DSCAM: variants seen among roughly 807,000 people sequenced by gnomAD.
The protein encoded by DSCAM is cell adhesion molecule DSCAM.
Under a neutral mutation model 217.7 loss-of-function variants are expected in DSCAM, and 47 were observed. That is an observed-to-expected ratio of 0.22 (90% CI 0.17 to 0.28). DSCAM has a LOEUF of 0.28. Ranked by LOEUF, DSCAM falls within the 10% of genes least tolerant of loss-of-function variation. The probability of loss-of-function intolerance (pLI) is 1.00; values close to 1 mark genes in which losing one functional copy is unlikely to be tolerated. For synonymous variants in DSCAM, 1,056 were observed against 1,015.3 expected (o/e 1.04, Z -0.76); for missense variants, 2,080 against 2,618.3 (o/e 0.79, Z 4.49).
intron 9 of DSCAM, among the ~76,000 whole-genome samples, chr21:40,301,772 T>G (rs1225648450): frequency 1.3e-5 from 2 of 152,216 alleles, no homozygotes; most frequent in Non-Finnish European, 2.9e-5. Context: ...GACACATGAA[T>G]CAATGAATGT....
At chr21:40,308,136 T>C (rs2074100020) in intron 9 of DSCAM, among the ~76,000 whole-genome samples, 1 of 152,178 alleles carries the variant, frequency 6.6e-6, no homozygotes, top group Non-Finnish European at 1.5e-5. Context: ...AAAAGTGTGA[T>C]AAAATCAGGT....
At chr21:40,406,951 A>G (rs1008658752) in intron 3 of DSCAM, among the ~76,000 whole-genome samples, 9 of 152,078 alleles carry the variant, frequency 5.9e-5, no homozygotes, top group Non-Finnish European at 1.2e-4. Flanking sequence ...TGAACTCATA[A>G]AAGCAGAGAG....
At chr21:40,546,877 G>T (rs1298561597) in intron 3 of DSCAM, among the ~76,000 whole-genome samples, 2 of 152,086 alleles carry the variant, frequency 1.3e-5, no homozygotes, top group African/African-American at 2.4e-5. Context: ...TTCAGGAGAG[G>T]CCTAGTGAGA....
chr21:40,195,194 T>A (rs1042789007), intron 11 of DSCAM, among the ~76,000 whole-genome samples: 1 of 152,184 alleles, frequency 6.6e-6, no homozygotes, highest in African/African-American at 2.4e-5. Context: ...ACAGAGAGAA[T>A]GAAAAATTCT....
At chr21:40,786,427 T>A (rs2091595198) in intron 1 of DSCAM, among the ~76,000 whole-genome samples, 1 of 152,054 alleles carries the variant, frequency 6.6e-6, no homozygotes, top group Non-Finnish European at 1.5e-5. Context: ...TATAATGAGG[T>A]CCACGAACCA....
At position 40,708,623 on chromosome 21, in the gene DSCAM, C is replaced by T; in HGVS notation, c.192G>A (p.Glu64=). The change falls in exon 2 of 33, where the codon GAG becomes GAA. Residue 64 remains glutamate (E), a synonymous_variant. Transcript: ENST00000400454. ...VTLRWYLATG[E]EIYDVPGIRH... is the part of the protein sequence containing the mutation. ...GGATCCCGGGGACATCGTAGATCTC[C>T]TCGCCCGTGGCTAGGTACCATCTGA... The T allele has an allele frequency of 6.2e-7, 1 of 1,612,838 alleles. No homozygotes were observed. The highest frequency in any genetic ancestry group is 1.7e-5 in the Admixed American group (1 of 59,814).
intron 15 of DSCAM, 43 bp from the exon 16 acceptor site, chr21:40,167,331 C>T (rs372128044): frequency 4.9e-5 from 78 of 1,584,596 alleles, no homozygotes; most frequent in Middle Eastern, 1.7e-4. Context: ...AGACGCTTTC[C>T]GGAGCAGATC....
chr21:40,673,748 CCTCA>C (rs2090304792), intron 3 of DSCAM, among the ~76,000 whole-genome samples: 1 of 152,182 alleles, frequency 6.6e-6, no homozygotes, highest in Admixed American at 6.5e-5. Flanking sequence ...GCAGCTCCTC[CCTCA>C]CTCTCTCTTG....
intron 3 of DSCAM, among the ~76,000 whole-genome samples, chr21:40,683,771 T>A (rs1273855566): frequency 6.6e-6 from 1 of 152,120 alleles, no homozygotes; most frequent in African/African-American, 2.4e-5. Flanking sequence ...TCTCAGCCCC[T>A]GCAGAGTGAA....
intron 3 of DSCAM, among the ~76,000 whole-genome samples, chr21:40,549,740 T>A (rs1364838729): frequency 1.3e-5 from 2 of 152,182 alleles, no homozygotes; most frequent in African/African-American, 2.4e-5. Context: ...TCTGTTATAT[T>A]GACGTTTGGA....
intron 1 of DSCAM, among the ~76,000 whole-genome samples, chr21:40,785,036 A>G (rs575225937): frequency 6.6e-6 from 1 of 152,384 alleles, no homozygotes; most frequent in South Asian, 2.1e-4. Flanking sequence ...GCACAGAAAG[A>G]TAACTTCCAA....
chr21:40,292,742 T>C (rs998022385), intron 10 of DSCAM, among the ~76,000 whole-genome samples: 1 of 152,036 alleles, frequency 6.6e-6, no homozygotes, highest in African/African-American at 2.4e-5. Context: ...TATGATATCT[T>C]TCTTTTCCTT....
At chr21:40,195,066 G>A (rs2090992896) in intron 11 of DSCAM, among the ~76,000 whole-genome samples, 1 of 152,118 alleles carries the variant, frequency 6.6e-6, no homozygotes, top group African/African-American at 2.4e-5. Context: ...CTTTATCAAT[G>A]AAAGTAAACC....
chr21:40,406,819 G>A (rs1042763962), intron 3 of DSCAM, among the ~76,000 whole-genome samples: 13 of 152,040 alleles, frequency 8.6e-5, no homozygotes, highest in South Asian at 2.1e-4. Flanking sequence ...GGGTTTCACC[G>A]TGTTGGCCAG....
chr21:40,369,000 C>G, intron 4 of DSCAM, 99 bp downstream of exon 4: 1 of 1,330,006 alleles, frequency 7.5e-7, no homozygotes, highest in Non-Finnish European at 9.9e-7. Flanking sequence ...ATTGAAGGCT[C>G]CATTTTAGTG....
chr21:40,619,711 G>T (rs184548817), intron 3 of DSCAM, among the ~76,000 whole-genome samples: 1 of 151,966 alleles, frequency 6.6e-6, no homozygotes, highest in Non-Finnish European at 1.5e-5. Flanking sequence ...TAAATACGCC[G>T]ATCGATACTT....
At chr21:40,072,296 G>A (rs137928668) in intron 27 of DSCAM, among the ~76,000 whole-genome samples, 80 of 151,938 alleles carry the variant, frequency 5.3e-4, no homozygotes, top group African/African-American at 1.6e-3. Context: ...ATTCAGAAGT[G>A]GTGTGAAATT....
chr21:40,731,734 C>CA (rs948563651), intron 1 of DSCAM, among the ~76,000 whole-genome samples: 3 of 124,230 alleles, frequency 2.4e-5, no homozygotes, highest in Non-Finnish European at 3.5e-5. Context: ...CTGCACCCCC[C>CA]CCCCCGCCCC....
chr21:40,269,533 C>T (rs780835397), intron 11 of DSCAM, among the ~76,000 whole-genome samples: 10 of 152,116 alleles, frequency 6.6e-5, no homozygotes, highest in Non-Finnish European at 1.0e-4. Flanking sequence ...TATGGTGTCC[C>T]GGGGCTGCTG....
Sources: gnomAD v4.1 joint callset for allele counts (sites outside exome capture counted in the v4.1 genomes callset) on GRCh38, gnomAD v4.1.1 for gene constraint, MANE v1.5 for transcripts, NCBI Gene and HGNC (gene_info 2026-07-23, HGNC 2026-07-21) for gene names.